CNTNAP5: variants seen among roughly 807,000 people sequenced by gnomAD.
CNTNAP5 encodes the protein contactin-associated protein-like 5.
In CNTNAP5, 72 loss-of-function variants were observed where a neutral mutation model predicts 150.2. The ratio of observed to expected loss-of-function variants is 0.48; its 90% CI spans 0.40 to 0.58. The LOEUF (loss-of-function observed/expected upper bound fraction) is 0.58, where lower values mean the gene tolerates loss of function less well. Among genes scored for constraint, CNTNAP5 ranks in the 20% least tolerant of loss-of-function variants. CNTNAP5 has a pLI of 0.00. For synonymous variants in CNTNAP5, 672 were observed against 619.8 expected (o/e 1.08, Z -1.25); for missense variants, 1,636 against 1,626.2 (o/e 1.01, Z -0.10).
intron 13 of CNTNAP5, among the ~76,000 whole-genome samples, chr2:124,718,990 G>A (rs1185227972): frequency 6.6e-6 from 1 of 151,532 alleles, no homozygotes; most frequent in East Asian, 1.9e-4. Flanking sequence ...CTAAGTGAAT[G>A]CCATAGACTC....
intron 18 of CNTNAP5, among the ~76,000 whole-genome samples, chr2:124,793,614 A>T (rs1184262885): frequency 6.6e-6 from 1 of 152,096 alleles, no homozygotes; most frequent in East Asian, 1.9e-4. Context: ...TTAATCCAAG[A>T]TCATGGTTTC....
At chr2:124,179,473 T>G (rs1398112833) in intron 1 of CNTNAP5, among the ~76,000 whole-genome samples, 1 of 152,222 alleles carries the variant, frequency 6.6e-6, no homozygotes, top group African/African-American at 2.4e-5. Context: ...CTTCAGTTAT[T>G]GGTACTGAAC....
At chr2:124,280,176 A>G (rs112088755) in intron 3 of CNTNAP5, among the ~76,000 whole-genome samples, 1,891 of 151,530 alleles carry the variant, frequency 0.012, 35 homozygotes, top group African/African-American at 0.041. Context: ...ATACGTATAT[A>G]TATACATTTT....
intron 19 of CNTNAP5, among the ~76,000 whole-genome samples, chr2:124,846,457 G>A (rs1683050003): frequency 1.3e-5 from 2 of 151,994 alleles, no homozygotes; most frequent in African/African-American, 4.8e-5. Flanking sequence ...TTTCACTGAG[G>A]AATTTCTCTT....
intron 3 of CNTNAP5, among the ~76,000 whole-genome samples, chr2:124,273,898 C>A (rs1573883370): frequency 6.6e-6 from 1 of 152,102 alleles, no homozygotes; most frequent in East Asian, 1.9e-4. Flanking sequence ...CTACATATGT[C>A]CAGTTAGCAA....
intron 13 of CNTNAP5, among the ~76,000 whole-genome samples, chr2:124,655,118 A>G (rs940060401): frequency 5.9e-5 from 9 of 151,950 alleles, no homozygotes; most frequent in African/African-American, 2.2e-4. Flanking sequence ...TGCATTAGGT[A>G]TTTGTCCTAA....
chr2:124,147,832 G>A (rs1226119761), intron 1 of CNTNAP5, among the ~76,000 whole-genome samples: 18 of 152,180 alleles, frequency 1.2e-4, no homozygotes, highest in Admixed American at 1.0e-3. Context: ...GATAATGCAC[G>A]TCCTTAAATT....
At chr2:124,700,169 G>T (rs1177854926) in intron 13 of CNTNAP5, among the ~76,000 whole-genome samples, 1 of 152,088 alleles carries the variant, frequency 6.6e-6, no homozygotes, top group East Asian at 1.9e-4. Flanking sequence ...TTCATGATTT[G>T]TCCATGTTGT....
chr2:124,258,133 T>C (rs1267591796), intron 3 of CNTNAP5, among the ~76,000 whole-genome samples: 4 of 152,074 alleles, frequency 2.6e-5, no homozygotes, highest in Admixed American at 2.0e-4. Flanking sequence ...CAATGCAGAT[T>C]GTGTGATGAC....
chr2:124,845,463 T>G (rs1415102081), intron 19 of CNTNAP5, among the ~76,000 whole-genome samples: 1 of 151,004 alleles, frequency 6.6e-6, no homozygotes, highest in Non-Finnish European at 1.5e-5. Flanking sequence ...TGCTATTTCC[T>G]TCCCTGGTTT....
intron 1 of CNTNAP5, among the ~76,000 whole-genome samples, chr2:124,220,659 A>G (rs1258305659): frequency 6.6e-6 from 1 of 152,128 alleles, no homozygotes; most frequent in Non-Finnish European, 1.5e-5. Flanking sequence ...GTTGAATATC[A>G]AGGTTCTGGT....
chr2:124,698,183 G>C (rs1184514678), intron 13 of CNTNAP5, among the ~76,000 whole-genome samples: 1 of 152,108 alleles, frequency 6.6e-6, no homozygotes, highest in Non-Finnish European at 1.5e-5. Flanking sequence ...AAATGGGTTT[G>C]AGGTGGACTA....
At chr2:124,899,559 A>G (rs1678374412) in intron 21 of CNTNAP5, among the ~76,000 whole-genome samples, 1 of 151,648 alleles carries the variant, frequency 6.6e-6, no homozygotes, top group Non-Finnish European at 1.5e-5. Context: ...TGGTTTCTTA[A>G]GGCAGTGACA....
At chr2:124,362,931 T>C (rs1231736761) in intron 3 of CNTNAP5, among the ~76,000 whole-genome samples, 1 of 152,232 alleles carries the variant, frequency 6.6e-6, no homozygotes, top group African/African-American at 2.4e-5. Context: ...GCAGTCATTG[T>C]TCTTTAAATA....
At position 124,371,730 on chromosome 2, in the gene CNTNAP5, T is replaced by C. The variant is rs571802558; in HGVS notation, c.382-45713T>C. Among the ~76,000 whole-genome samples, 433 of 152,214 alleles carry C rather than the reference T, an allele frequency of 2.8e-3. 5 individuals are homozygous for C. The East Asian group carries it at 0.034, about 12-fold the overall frequency. On this transcript the variant is annotated intron_variant, in intron 3 of 23. Transcript: ENST00000682447. The stretch of plus-strand genomic sequence containing the variant: ...GGAAAGATACAGGAAATCATACATG[T>C]AATCTTAACATACTATACATAAATT...
intron 1 of CNTNAP5, among the ~76,000 whole-genome samples, chr2:124,058,884 T>C (rs1172461746): frequency 2.6e-5 from 4 of 152,214 alleles, no homozygotes; most frequent in Non-Finnish European, 5.9e-5. Context: ...TTCAAGTTGC[T>C]TCCTGCTGAT....
At chr2:124,061,251 AC>A (rs1240240983) in intron 1 of CNTNAP5, among the ~76,000 whole-genome samples, 3 of 152,198 alleles carry the variant, frequency 2.0e-5, no homozygotes, top group Non-Finnish European at 2.9e-5. Flanking sequence ...GCGAAGCTTA[AC>A]TATTGTCTTT....
chr2:124,619,838 C>T (rs1677570776), intron 12 of CNTNAP5, among the ~76,000 whole-genome samples: 1 of 74,642 alleles, frequency 1.3e-5, no homozygotes, highest in Non-Finnish European at 2.6e-5. Context: ...CTCACTGTCT[C>T]ATTCATATAT....
intron 1 of CNTNAP5, among the ~76,000 whole-genome samples, chr2:124,160,917 T>A (rs1684661383): frequency 6.6e-6 from 1 of 152,182 alleles, no homozygotes; most frequent in Admixed American, 6.5e-5. Context: ...TTCCTTATAT[T>A]GTTTGTTTGT....
Sources: allele counts gnomAD v4.1 joint callset (sites outside exome capture counted in the v4.1 genomes callset), GRCh38; gene constraint gnomAD v4.1.1; transcripts MANE v1.5; gene names NCBI Gene and HGNC (gene_info 2026-07-23, HGNC 2026-07-21).